The following SGCZ variants were observed in gnomAD, a reference collection of about 807,000 sequenced individuals.
SGCZ encodes zeta-sarcoglycan.
A neutral mutation model predicts 41.3 loss-of-function variants in SGCZ; 40 were observed. The observed-to-expected ratio is 0.97, with a 90% CI of 0.75 to 1.26. The LOEUF (loss-of-function observed/expected upper bound fraction) is 1.26, where lower values mean the gene tolerates loss of function less well. SGCZ is among the 50% of genes most tolerant of loss of function. The pLI is 0.00. For synonymous variants in SGCZ, 206 were observed against 137.5 expected (o/e 1.50, Z -3.49); for missense variants, 552 against 369.8 (o/e 1.49, Z -4.04).
intron 1 of SGCZ, among the ~76,000 whole-genome samples, chr8:15,147,253 G>A (rs556322993): frequency 2.6e-5 from 4 of 152,136 alleles, no homozygotes; most frequent in Admixed American, 6.6e-5. Flanking sequence ...CATCCCTCAT[G>A]AAGCAGAAAT....
At chr8:15,108,755 T>C (rs116279021) in intron 1 of SGCZ, among the ~76,000 whole-genome samples, 1,983 of 152,280 alleles carry the variant, frequency 0.013, 32 homozygotes, top group African/African-American at 0.045. Flanking sequence ...TAATATGTAT[T>C]GTAAGAGGCT....
At chr8:15,116,656 T>C (rs528888427) in intron 1 of SGCZ, among the ~76,000 whole-genome samples, 1 of 152,144 alleles carries the variant, frequency 6.6e-6, no homozygotes, top group East Asian at 1.9e-4. Context: ...ATAAAGCACA[T>C]AGGAAAAGTG....
At chr8:14,259,358 T>C (rs1799572887) in intron 3 of SGCZ, among the ~76,000 whole-genome samples, 1 of 151,916 alleles carries the variant, frequency 6.6e-6, no homozygotes, top group African/African-American at 2.4e-5. Flanking sequence ...CCATTGCTTT[T>C]GGTGTTTTAG....
chr8:14,628,568 T>C (rs565458307), intron 1 of SGCZ, among the ~76,000 whole-genome samples: 3 of 152,236 alleles, frequency 2.0e-5, no homozygotes, highest in East Asian at 3.9e-4. Context: ...ATAGGTTCCA[T>C]GGATTGAAAT....
chr8:14,860,871 G>C lies in SGCZ; in HGVS notation c.40-305945C>G, dbSNP rs1803724609. ...CTTGAACTTGGTTTAACACTCCAAT[G>C]TTTCCATTTTAAAATTCTTAATCAC... On this transcript the variant is annotated intron_variant, in intron 1 of 7. Coordinates refer to ENST00000382080, the MANE Select transcript of SGCZ (RefSeq NM_139167.4). Among the ~76,000 whole-genome samples, 3 of 152,090 alleles carry C rather than the reference G, an allele frequency of 2.0e-5. 1 individual carries two copies. In the South Asian group the frequency reaches 6.2e-4, roughly 31 times the overall value.
At chr8:14,386,844 T>C (rs908851490) in intron 2 of SGCZ, among the ~76,000 whole-genome samples, 3 of 152,202 alleles carry the variant, frequency 2.0e-5, no homozygotes, top group Non-Finnish European at 4.4e-5. Context: ...AATATTAAAA[T>C]TCTATAATGG....
chr8:14,193,742 T>G (rs1805179574), intron 4 of SGCZ, among the ~76,000 whole-genome samples: 1 of 151,754 alleles, frequency 6.6e-6, no homozygotes, highest in Non-Finnish European at 1.5e-5. Flanking sequence ...CAAACTTATC[T>G]AACTTGTCTG....
intron 1 of SGCZ, among the ~76,000 whole-genome samples, chr8:15,225,047 A>C (rs2117193586): frequency 6.6e-6 from 1 of 152,352 alleles, no homozygotes; most frequent in East Asian, 1.9e-4. Flanking sequence ...CAAAATAGAA[A>C]GATTATGAAC....
intron 2 of SGCZ, among the ~76,000 whole-genome samples, chr8:14,430,930 T>G (rs1031025177): frequency 3.3e-5 from 5 of 151,998 alleles, no homozygotes; most frequent in East Asian, 1.9e-4. Context: ...AATCAAGAAC[T>G]CAACCCCTTT....
intron 2 of SGCZ, among the ~76,000 whole-genome samples, chr8:14,430,109 G>C (rs146420570): frequency 2.6e-5 from 4 of 151,972 alleles, no homozygotes; most frequent in African/African-American, 7.2e-5. Context: ...GCAGAATTCT[G>C]CAAGACATTC....
At chr8:14,643,341 T>C (rs1426747061) in intron 1 of SGCZ, among the ~76,000 whole-genome samples, 1 of 151,600 alleles carries the variant, frequency 6.6e-6, no homozygotes, top group Non-Finnish European at 1.5e-5. Context: ...TGTCATCTAT[T>C]AGAGATATAT....
chr8:14,288,202 T>G (rs2116936654), intron 3 of SGCZ, among the ~76,000 whole-genome samples: 1 of 152,230 alleles, frequency 6.6e-6, no homozygotes, highest in Non-Finnish European at 1.5e-5. Flanking sequence ...TTCAGTGTAT[T>G]ATAAAATTTA....
At chr8:14,967,039 A>T (rs1392258836) in intron 1 of SGCZ, among the ~76,000 whole-genome samples, 1 of 152,174 alleles carries the variant, frequency 6.6e-6, no homozygotes, top group African/African-American at 2.4e-5. Context: ...CACTGTGTTA[A>T]GCACCAGAAA....
chr8:15,094,598 G>C (rs1046103658), intron 1 of SGCZ, among the ~76,000 whole-genome samples: 6 of 152,190 alleles, frequency 3.9e-5, no homozygotes, highest in Non-Finnish European at 8.8e-5. Flanking sequence ...CACACAGGGA[G>C]AAGGAAGTGT....
rs2130828610 is a variant in SGCZ, at chr8:14,946,561, C to G, written c.39+291024G>C. On this transcript the variant is annotated intron_variant, in intron 1 of 7. Coordinates refer to ENST00000382080, the MANE Select transcript of SGCZ (RefSeq NM_139167.4). ...ATGAATCATCTTTTTCTTTTGTACT[C>G]TGCTGAGCGCCTGGCACAATGTATG... Among the ~76,000 whole-genome samples, 2 of 152,142 alleles carry G rather than the reference C, an allele frequency of 1.3e-5. 1 individual carries two copies. The highest frequency in any genetic ancestry group is 4.2e-4 in the South Asian group (2 of 4,816).
intron 1 of SGCZ, among the ~76,000 whole-genome samples, chr8:15,078,650 C>A (rs1805632920): frequency 6.6e-6 from 1 of 151,896 alleles, no homozygotes; most frequent in African/African-American, 2.4e-5. Context: ...ACAATGTTTG[C>A]TCTTAGCTCT....
intron 1 of SGCZ, among the ~76,000 whole-genome samples, chr8:14,881,496 C>G (rs1804588501): frequency 6.6e-6 from 1 of 152,216 alleles, no homozygotes; most frequent in Non-Finnish European, 1.5e-5. Context: ...AGCAGAGGGA[C>G]AGGGACAGCA....
intron 1 of SGCZ, among the ~76,000 whole-genome samples, chr8:14,574,807 G>C (rs760311822): frequency 1.4e-4 from 22 of 152,046 alleles, no homozygotes; most frequent in Non-Finnish European, 2.5e-4. Context: ...ACCCACTACA[G>C]TAATATTTCA....
At chr8:15,010,029 A>AT (rs562581080) in intron 1 of SGCZ, among the ~76,000 whole-genome samples, 1 of 151,906 alleles carries the variant, frequency 6.6e-6, no homozygotes, top group East Asian at 1.9e-4. Flanking sequence ...GTTAGTGTAT[A>AT]TTTTTTTTCT....
Sources: allele counts gnomAD v4.1 joint callset (sites outside exome capture counted in the v4.1 genomes callset), GRCh38; gene constraint gnomAD v4.1.1; transcripts MANE v1.5; gene names NCBI Gene and HGNC (gene_info 2026-07-23, HGNC 2026-07-21).